SPAG9: variants seen among roughly 807,000 people sequenced by gnomAD.
SPAG9 encodes the protein C-Jun-amino-terminal kinase-interacting protein 4.
A neutral mutation model predicts 166.5 loss-of-function variants in SPAG9; 35 were observed. That is an observed-to-expected ratio of 0.21 (90% CI 0.16 to 0.28). The LOEUF is 0.28. Among genes scored for constraint, SPAG9 ranks in the 10% least tolerant of loss-of-function variants. The pLI is 1.00. For synonymous variants in SPAG9, 534 were observed against 565.5 expected (o/e 0.94, Z 0.79); for missense variants, 1,235 against 1,603.3 (o/e 0.77, Z 3.92).
At chr17:51,019,486 G>A (rs1050042414) in intron 8 of SPAG9, among the ~76,000 whole-genome samples, 11 of 152,190 alleles carry the variant, frequency 7.2e-5, no homozygotes, top group Non-Finnish European at 1.5e-4. Context: ...GACCCTGGGA[G>A]GCAGAGGTTG....
chr17:51,060,121 T>C (rs1052080514), intron 2 of SPAG9, among the ~76,000 whole-genome samples: 1 of 152,244 alleles, frequency 6.6e-6, no homozygotes, highest in African/African-American at 2.4e-5. Flanking sequence ...TGACCTATTA[T>C]GGACTGAATT....
chr17:50,989,500 G>C, intron 21 of SPAG9, 177 bp downstream of exon 21: 1 of 669,434 alleles, frequency 1.5e-6, no homozygotes, highest in Non-Finnish European at 2.7e-6. Context: ...AAATGGGGGG[G>C]AATATCCAGC....
chr17:51,093,532 C>A (rs535995407), intron 1 of SPAG9, among the ~76,000 whole-genome samples: 4 of 151,548 alleles, frequency 2.6e-5, no homozygotes, highest in African/African-American at 9.7e-5. Flanking sequence ...GAAACCCCGT[C>A]TCTACTAAAA....
At chr17:51,107,654 T>C (rs1353101954) in intron 1 of SPAG9, among the ~76,000 whole-genome samples, 2 of 151,350 alleles carry the variant, frequency 1.3e-5, no homozygotes, top group African/African-American at 2.4e-5. Context: ...GGAGAATTGC[T>C]TGAACCCGGG....
intron 19 of SPAG9, among the ~76,000 whole-genome samples, chr17:50,991,598 A>T (rs111680222): frequency 2.0e-5 from 3 of 151,968 alleles, no homozygotes; most frequent in Admixed American, 2.0e-4. Context: ...TGGCATTAAT[A>T]TTTATAACAT....
intron 15 of SPAG9, among the ~76,000 whole-genome samples, chr17:50,997,300 T>C (rs922273806): frequency 3.9e-5 from 6 of 152,228 alleles, no homozygotes; most frequent in Non-Finnish European, 7.3e-5. Flanking sequence ...ATGCTGGCCA[T>C]ATGAAAGGGG....
intron 2 of SPAG9, among the ~76,000 whole-genome samples, chr17:51,062,133 C>T (rs1005143133): frequency 2.0e-5 from 3 of 151,926 alleles, no homozygotes; most frequent in African/African-American, 4.8e-5. Flanking sequence ...TTTTTAGAGC[C>T]GTTTTAGGGT....
chr17:51,028,217 A>G, intron 6 of SPAG9, among the ~76,000 whole-genome samples: 2 of 151,550 alleles, frequency 1.3e-5, no homozygotes, highest in South Asian at 4.1e-4. Context: ...AAAGTTTATA[A>G]AGTAAATAAG....
At chr17:51,043,415 C>T (rs1487288315) in intron 4 of SPAG9, among the ~76,000 whole-genome samples, 1 of 152,142 alleles carries the variant, frequency 6.6e-6, no homozygotes, top group African/African-American at 2.4e-5. Flanking sequence ...TACACATTCC[C>T]ATATACTATA....
At chr17:51,091,446 G>A (rs945716651) in intron 1 of SPAG9, among the ~76,000 whole-genome samples, 3 of 152,018 alleles carry the variant, frequency 2.0e-5, no homozygotes, top group Admixed American at 6.6e-5. Flanking sequence ...CAGCAAAATC[G>A]TGGCAGGAGA....
intron 1 of SPAG9, among the ~76,000 whole-genome samples, chr17:51,099,220 G>A (rs995413661): frequency 1.3e-5 from 2 of 151,478 alleles, no homozygotes; most frequent in Non-Finnish European, 2.9e-5. Flanking sequence ...GATCACCTGA[G>A]GTCAGCAGTT....
At position 50,974,790 on chromosome 17, in the gene SPAG9, T is replaced by C; in HGVS notation, c.3681A>G (p.Lys1227=). The C allele has an allele frequency of 6.3e-7, 1 of 1,599,790 alleles. No individual in the cohort carries two copies. The highest frequency in any genetic ancestry group is 1.3e-5 in the African/African-American group (1 of 74,132). ...LCFHGHRDAV[K]FFVAVPGQVI... is the part of the protein sequence containing the mutation. ...ACATACCTGGGACTGCCACAAAGAA[T>C]TTCACAGCATCCCGGTGCCCATGGA... is the stretch of plus-strand genomic sequence containing the variant. The change falls in exon 28 of 30, where the codon AAA becomes AAG. Residue 1227 remains lysine, a synonymous_variant. Coordinates refer to ENST00000262013, the MANE Select transcript of SPAG9 (RefSeq NM_001130528.3).
intron 2 of SPAG9, among the ~76,000 whole-genome samples, chr17:51,062,545 T>C (rs1384976549): frequency 6.6e-6 from 1 of 152,196 alleles, no homozygotes; most frequent in African/African-American, 2.4e-5. Flanking sequence ...CCTTTTCAGA[T>C]TGGCTTCTTT....
chr17:51,061,667 T>C (rs1184224218), intron 2 of SPAG9, among the ~76,000 whole-genome samples: 1 of 101,840 alleles, frequency 9.8e-6, no homozygotes, highest in Non-Finnish European at 2.1e-5. Context: ...TATAACAGAA[T>C]ATACCATTAA....
chr17:51,050,032 T>C (rs1568040967), intron 3 of SPAG9, among the ~76,000 whole-genome samples: 1 of 152,236 alleles, frequency 6.6e-6, no homozygotes, highest in Non-Finnish European at 1.5e-5. Context: ...TAGTAATCTA[T>C]GAACTCAATA....
rs141180055 is a variant in SPAG9 at position 51,000,835 on chromosome 17, G to A, written c.1607+880C>T. 6.8e-4 allele frequency among the ~76,000 whole-genome samples: 103 copies of A among 152,138 alleles called. 2 individuals carry two copies. The East Asian group carries it at 0.012, about 18-fold the overall frequency. ...TTGAATATTTACTTATTATTTATTC[G>A]ATATCCACTAAATACTGCAGTTAAG... On this transcript the variant is annotated intron_variant, in intron 13 of 29. Transcript: ENST00000262013.
In SPAG9 at chr17:51,120,828, G is replaced by A. The variant is rs1244175249; in HGVS notation, c.-172C>T. 6.8e-6 allele frequency: 3 copies of A among 443,884 alleles called. No homozygotes were observed. Among genetic ancestry groups the A allele is most frequent in the East Asian group, 7.9e-5 (2 of 25,378 alleles). The allele number at this position is 443,884 out of a possible 1,614,324, so 27.5% of individuals were successfully genotyped here. On this transcript the variant is annotated 5_prime_UTR_variant, in exon 1 of 30. Coordinates refer to ENST00000262013, the MANE Select transcript of SPAG9 (RefSeq NM_001130528.3). The surrounding 1 kb of genome is among the most constrained non-coding windows in gnomAD (Gnocchi z 4.7). ...CCGGGGCCGGAGGAGGGGAGGGGTG[G>A]CGTAGGCGCTCTCACCCCAACCGCC...
At chr17:51,071,659 T>C (rs572014824) in intron 2 of SPAG9, among the ~76,000 whole-genome samples, 7 of 152,344 alleles carry the variant, frequency 4.6e-5, no homozygotes, top group African/African-American at 1.2e-4. Context: ...ATAGATTCCA[T>C]ACTATCAAAA....
intron 3 of SPAG9, among the ~76,000 whole-genome samples, chr17:51,053,551 G>A (rs2047239135): frequency 6.6e-6 from 1 of 151,804 alleles, no homozygotes; most frequent in Non-Finnish European, 1.5e-5. Flanking sequence ...CAGGCGTGGT[G>A]GCACACTCCA....
Sources: gnomAD v4.1 joint callset for allele counts (sites outside exome capture counted in the v4.1 genomes callset) on GRCh38, gnomAD v4.1.1 for gene constraint, Gnocchi (gnomAD v3.1) non-coding constraint, MANE v1.5 for transcripts, NCBI Gene and HGNC (gene_info 2026-07-23, HGNC 2026-07-21) for gene names.